Variants in MALRD1 observed in about 807,000 individuals in gnomAD.
The protein encoded by MALRD1 is MAM and LDL-receptor class A domain-containing protein 1.
In MALRD1, 247 loss-of-function variants were observed where a neutral mutation model predicts 242.1. That is an observed-to-expected ratio of 1.02 (90% confidence interval 0.92 to 1.13). MALRD1 has a LOEUF of 1.13. Ranked by LOEUF, MALRD1 falls within the 50% of genes most tolerant of loss-of-function variation. The pLI, the probability that MALRD1 is intolerant of heterozygous loss-of-function variation, is 0.00. For synonymous variants in MALRD1, 995 were observed against 866.6 expected (o/e 1.15, Z -2.60); for missense variants, 2,989 against 2,533.1 (o/e 1.18, Z -3.86).
At chr10:19,561,809 G>T (rs553596587) in intron 32 of MALRD1, among the ~76,000 whole-genome samples, 6 of 152,174 alleles carry the variant, frequency 3.9e-5, no homozygotes, top group African/African-American at 1.4e-4. Context: ...GAACTAGAGG[G>T]GATGGGGTTT....
intron 38 of MALRD1, among the ~76,000 whole-genome samples, chr10:19,727,980 A>T (rs1835113620): frequency 2.0e-5 from 3 of 152,204 alleles, no homozygotes; most frequent in Admixed American, 2.0e-4. Flanking sequence ...GTATAGAGTG[A>T]CACTAGCAAT....
chr10:19,220,692 C>T (rs1486340670), intron 18 of MALRD1, among the ~76,000 whole-genome samples: 1 of 152,284 alleles, frequency 6.6e-6, no homozygotes, highest in East Asian at 1.9e-4. Context: ...GCTGTTGACT[C>T]ATGCTATCTC....
rs114360064 is a variant in MALRD1 at position 19,075,430 on chromosome 10, C to A, written c.340+8571C>A. ...GAAGTGGAAGGCAGGAGAGCTAAGG[C>A]AGAAGGCAAGATTAGAGAGATTTAA... On this transcript the variant is annotated intron_variant, in intron 2 of 39. Coordinates refer to ENST00000454679, the MANE Select transcript of MALRD1 (RefSeq NM_001142308.3). Among the ~76,000 whole-genome samples the A allele has an allele frequency of 9.1e-3, 1,384 of 152,086 alleles. 28 individuals are homozygous for A. The highest frequency in any genetic ancestry group is 0.032 in the African/African-American group (1,335 of 41,514).
chr10:19,500,527 TAAG>T (rs1462900196), intron 31 of MALRD1, among the ~76,000 whole-genome samples: 1 of 152,148 alleles, frequency 6.6e-6, no homozygotes, highest in Non-Finnish European at 1.5e-5. Flanking sequence ...CAAATAAAAA[TAAG>T]AAAATCTTTG....
chr10:19,688,526 G>T (rs1842694295), intron 36 of MALRD1, among the ~76,000 whole-genome samples: 1 of 152,128 alleles, frequency 6.6e-6, no homozygotes, highest in African/African-American at 2.4e-5. Context: ...CTCCCAAAGT[G>T]CTGGAATTAC....
At chr10:19,060,574 A>G (rs1159401772) in intron 1 of MALRD1, among the ~76,000 whole-genome samples, 2 of 152,098 alleles carry the variant, frequency 1.3e-5, no homozygotes, top group African/African-American at 2.4e-5. Context: ...TGGTTTTCCA[A>G]TTCTAATTCT....
chr10:19,176,822 G>GT (rs1835273250), intron 14 of MALRD1, among the ~76,000 whole-genome samples: 1 of 150,794 alleles, frequency 6.6e-6, no homozygotes, highest in Non-Finnish European at 1.5e-5. Context: ...CTGTGTGTCT[G>GT]TGTGTGTGTG....
rs547652416 is a variant in MALRD1, at chr10:19,234,278, C to T, written c.2992-23406C>T. On this transcript the variant is annotated intron_variant, in intron 18 of 39. Transcript: ENST00000454679. ...GAACTCTATAAGGTCACAAAAATCC[C>T]TATTAAGAAACTAAAATAAAATTTT... Among the ~76,000 whole-genome samples, 548 of 151,910 alleles carry T rather than the reference C, an allele frequency of 3.6e-3. 1 individual carries two copies. Among genetic ancestry groups the T allele is most frequent in the Non-Finnish European group, 6.2e-3 (422 of 67,892 alleles).
At chr10:19,139,190 T>G (rs1023979538) in intron 10 of MALRD1, among the ~76,000 whole-genome samples, 1 of 152,232 alleles carries the variant, frequency 6.6e-6, no homozygotes, top group Admixed American at 6.5e-5. Context: ...ATTTGGATTA[T>G]TAGAATTGAT....
At chr10:19,368,849 T>C (rs1845226706) in intron 26 of MALRD1, among the ~76,000 whole-genome samples, 1 of 149,334 alleles carries the variant, frequency 6.7e-6, no homozygotes, top group South Asian at 2.1e-4. Context: ...GCTTTTTGCT[T>C]GTGCTTTTTG....
At chr10:19,202,608 C>A (rs185221759) in intron 14 of MALRD1, among the ~76,000 whole-genome samples, 2 of 152,140 alleles carry the variant, frequency 1.3e-5, no homozygotes, top group East Asian at 3.9e-4. Context: ...TTGTTTACTT[C>A]CTAATTTATT....
At chr10:19,655,866 T>C (rs1162954484) in intron 36 of MALRD1, among the ~76,000 whole-genome samples, 3 of 152,100 alleles carry the variant, frequency 2.0e-5, no homozygotes, top group Non-Finnish European at 4.4e-5. Flanking sequence ...AGTAAGTATC[T>C]GGGTCTGATG....
chr10:19,465,768 A>G (rs10827482), intron 29 of MALRD1, among the ~76,000 whole-genome samples: 34,338 of 152,086 alleles, frequency 0.23, 4,801 homozygotes, highest in South Asian at 0.37. Flanking sequence ...TCCTGAGCTC[A>G]AGCAATCTAC....
chr10:19,274,621 G>T (rs553590800), intron 19 of MALRD1, among the ~76,000 whole-genome samples: 2 of 152,176 alleles, frequency 1.3e-5, no homozygotes, highest in African/African-American at 2.4e-5. Flanking sequence ...ATAAATAAAT[G>T]GCTGTTTAAG....
intron 21 of MALRD1, among the ~76,000 whole-genome samples, chr10:19,315,522 ACTAT>A (rs1842639080): frequency 8.0e-6 from 1 of 125,590 alleles, no homozygotes; most frequent in East Asian, 2.3e-4. Flanking sequence ...TAAATATATA[ACTAT>A]AATTTATATA....
intron 38 of MALRD1, among the ~76,000 whole-genome samples, chr10:19,698,593 GGAA>G (rs1311232809): frequency 6.6e-6 from 1 of 152,100 alleles, no homozygotes; most frequent in African/African-American, 2.4e-5. Flanking sequence ...GAAGAAATGG[GGAA>G]GGAGAGGAAG....
In MALRD1 at chr10:19,311,706, G is replaced by A. The variant is rs373999826; in HGVS notation, c.3420-12243G>A. On this transcript the variant is annotated intron_variant, in intron 21 of 39. Coordinates refer to ENST00000454679, the MANE Select transcript of MALRD1 (RefSeq NM_001142308.3). The stretch of plus-strand genomic sequence containing the variant: ...AAATGCAATGATATAATTTTATGAA[G>A]TGGGAAAATATGCTCTTAAATTATC... Among the ~76,000 whole-genome samples, 164 of 151,528 alleles carry A rather than the reference G, an allele frequency of 1.1e-3. 1 individual carries two copies. Among genetic ancestry groups the A allele is most frequent in the African/African-American group, 3.7e-3 (155 of 41,448 alleles).
At chr10:19,485,646 T>TTA (rs369549327) in intron 29 of MALRD1, among the ~76,000 whole-genome samples, 6 of 145,396 alleles carry the variant, frequency 4.1e-5, no homozygotes, top group Admixed American at 2.7e-4. Context: ...CCGTCTCAAT[T>TTA]AAAAAAAAAA....
intron 28 of MALRD1, among the ~76,000 whole-genome samples, chr10:19,410,180 C>T (rs149690602): frequency 8.1e-4 from 123 of 152,250 alleles, no homozygotes; most frequent in African/African-American, 2.8e-3. Context: ...TTAAGCAATT[C>T]TTAAACATTT....
Sources: gnomAD v4.1 joint callset for allele counts (sites outside exome capture counted in the v4.1 genomes callset) on GRCh38, gnomAD v4.1.1 for gene constraint, MANE v1.5 for transcripts, NCBI Gene and HGNC (gene_info 2026-07-23, HGNC 2026-07-21) for gene names.